The following UNC13B variants were observed in gnomAD, a reference collection of about 807,000 sequenced individuals.
The protein encoded by UNC13B is protein unc-13 homolog B.
A neutral mutation model predicts 211.0 loss-of-function variants in UNC13B; 144 were observed. The observed-to-expected ratio is 0.68, with a 90% CI of 0.60 to 0.78. The LOEUF is 0.78. UNC13B is among the 30% of genes least tolerant of loss of function. The probability of loss-of-function intolerance (pLI) is 0.00; values close to 1 mark genes in which losing one functional copy is unlikely to be tolerated. For synonymous variants in UNC13B, 709 were observed against 725.8 expected, an observed-to-expected ratio of 0.98 and a Z score of 0.37; for missense variants, 1,777 against 2,002.0, an observed-to-expected ratio of 0.89 and a Z score of 2.14.
chr9:35,312,709 T>C (rs1463893978), intron 10 of UNC13B, among the ~76,000 whole-genome samples: 2 of 152,252 alleles, frequency 1.3e-5, no homozygotes, highest in Non-Finnish European at 1.5e-5. Context: ...GTCTGCTGAA[T>C]TGGCTGTAGA....
At chr9:35,391,545 A>C (rs752910043) in intron 26 of UNC13B, among the ~76,000 whole-genome samples, 1 of 152,182 alleles carries the variant, frequency 6.6e-6, no homozygotes, top group Non-Finnish European at 1.5e-5. Context: ...AGAAACCTTG[A>C]AGATCTGTGT....
chr9:35,208,428 G>T (rs527635230), intron 1 of UNC13B, among the ~76,000 whole-genome samples: 3 of 151,988 alleles, frequency 2.0e-5, no homozygotes, highest in Non-Finnish European at 4.4e-5. Context: ...GTCTGTTCTC[G>T]TACTGCTATA....
Position 35,386,308 on chromosome 9 carries a change from A to T in UNC13B, c.11094+15A>T. On this transcript the variant is annotated intron_variant, in intron 24 of 39. Coordinates refer to ENST00000635942, the MANE Select transcript of UNC13B (RefSeq NM_001371189.2). ...AGTACCAGCTGGTAAGAGGTTCAGGATCAGGTGGGGCCAGCTGTCAGTGGC... is the reference window on the plus strand; with the variant it reads ...AGTACCAGCTGGTAAGAGGTTCAGGTTCAGGTGGGGCCAGCTGTCAGTGGC... 6.2e-7 allele frequency: 1 copy of T among 1,613,900 alleles called. No homozygotes were observed. Among genetic ancestry groups the T allele is most frequent in the Non-Finnish European group, 8.5e-7 (1 of 1,179,902 alleles).
intron 26 of UNC13B, among the ~76,000 whole-genome samples, chr9:35,393,574 C>CTTTTTTTTTT (rs749007486): frequency 8.4e-6 from 1 of 118,864 alleles, no homozygotes; most frequent in Admixed American, 8.9e-5. Flanking sequence ...GACTCTCTCT[C>CTTTTTTTTTT]TTTTTTTTTT....
intron 8 of UNC13B, among the ~76,000 whole-genome samples, chr9:35,297,868 G>T (rs1397575697): frequency 6.6e-6 from 1 of 151,650 alleles, no homozygotes; most frequent in Middle Eastern, 3.2e-3. Context: ...TCTTATTATT[G>T]GTGATGTTTA....
chr9:35,340,673 A>T (rs988350098), intron 11 of UNC13B, among the ~76,000 whole-genome samples: 3 of 152,196 alleles, frequency 2.0e-5, no homozygotes, highest in Admixed American at 2.0e-4. Flanking sequence ...TGTTGGCCTA[A>T]GGAGGAAGAG....
At position 35,295,117 on chromosome 9, in the gene UNC13B, A is replaced by G. The variant is rs544717344; in HGVS notation, c.527-579A>G. Among the ~76,000 whole-genome samples the G allele has an allele frequency of 1.6e-4, 24 of 152,266 alleles. No individual in the cohort carries two copies. In the South Asian group the frequency reaches 5.0e-3, roughly 32 times the overall value. On this transcript the variant is annotated intron_variant, in intron 7 of 39. Coordinates refer to ENST00000635942, the MANE Select transcript of UNC13B (RefSeq NM_001371189.2). Reference sequence around the variant, plus strand: ...GCACAGTAAGAGTGCTGCTGTTCTCAGCTGCATCTAGAGCCTTTGACTTGA... The same window carrying G: ...GCACAGTAAGAGTGCTGCTGTTCTCGGCTGCATCTAGAGCCTTTGACTTGA...
intron 1 of UNC13B, among the ~76,000 whole-genome samples, chr9:35,209,875 T>G (rs1214991564): frequency 6.6e-6 from 1 of 152,186 alleles, no homozygotes; most frequent in African/African-American, 2.4e-5. Context: ...TTTTTAGTGT[T>G]ATGTTTCCCT....
chr9:35,165,396 G>A (rs1328924137), intron 1 of UNC13B, among the ~76,000 whole-genome samples: 2 of 151,594 alleles, frequency 1.3e-5, no homozygotes, highest in East Asian at 3.9e-4. Flanking sequence ...CCATTCAGCG[G>A]GTGATTGACT....
At chr9:35,276,543 T>C (rs1339246481) in intron 7 of UNC13B, among the ~76,000 whole-genome samples, 1 of 152,214 alleles carries the variant, frequency 6.6e-6, no homozygotes, top group African/African-American at 2.4e-5. Flanking sequence ...TTCGTTGTGG[T>C]CACTTTTTGT....
At chr9:35,166,621 G>A (rs922711457) in intron 1 of UNC13B, among the ~76,000 whole-genome samples, 6 of 151,826 alleles carry the variant, frequency 4.0e-5, no homozygotes, top group Non-Finnish European at 8.8e-5. Flanking sequence ...GGGACTACAA[G>A]GAACACACCA....
At chr9:35,338,054 A>G (rs1314107220) in intron 11 of UNC13B, among the ~76,000 whole-genome samples, 1 of 152,212 alleles carries the variant, frequency 6.6e-6, no homozygotes, top group Non-Finnish European at 1.5e-5. Flanking sequence ...ATATAAACAA[A>G]TACTACTTTA....
At chr9:35,213,900 C>T (rs948789405) in intron 1 of UNC13B, among the ~76,000 whole-genome samples, 1 of 152,138 alleles carries the variant, frequency 6.6e-6, no homozygotes, top group Non-Finnish European at 1.5e-5. Context: ...GGGCCACACT[C>T]TCACATCAGG....
At chr9:35,402,312 C>T (rs1334476417) in intron 37 of UNC13B, among the ~76,000 whole-genome samples, 5 of 144,680 alleles carry the variant, frequency 3.5e-5, no homozygotes, top group East Asian at 2.0e-4. Context: ...GACGGAGTCT[C>T]GCTCTGTCGC....
chr9:35,377,770 C>A (rs765693049), intron 16 of UNC13B, 75 bp downstream of exon 16: 15 of 1,441,532 alleles, frequency 1.0e-5, no homozygotes, highest in Non-Finnish European at 1.3e-5. Context: ...ACATCCTGAG[C>A]GTGAGGGAGC....
intron 5 of UNC13B, 90 bp from the exon 6 acceptor site, chr9:35,243,201 C>T (rs1252614395): frequency 1.6e-6 from 2 of 1,289,670 alleles, no homozygotes; most frequent in Admixed American, 3.5e-5. Flanking sequence ...CTTCTGACTT[C>T]AGTCATTAGA....
intron 11 of UNC13B, among the ~76,000 whole-genome samples, chr9:35,325,548 G>A (rs748909458): frequency 2.0e-5 from 3 of 151,916 alleles, no homozygotes; most frequent in African/African-American, 7.3e-5. Flanking sequence ...ACAAATTCTT[G>A]TTCCTTTGTT....
chr9:35,376,480 G>A (rs964750204), intron 15 of UNC13B, among the ~76,000 whole-genome samples: 3 of 152,206 alleles, frequency 2.0e-5, no homozygotes, highest in African/African-American at 7.2e-5. Flanking sequence ...TGAGCTTTCT[G>A]TGGTAGTGTA....
chr9:35,396,447 C>A, intron 26 of UNC13B, 29 bp from the exon 27 acceptor site: 1 of 1,613,576 alleles, frequency 6.2e-7, no homozygotes, highest in East Asian at 2.2e-5. Flanking sequence ...ACTGCTGGGA[C>A]CTGACCCAAC....
Sources: gnomAD v4.1 joint callset for allele counts (sites outside exome capture counted in the v4.1 genomes callset) on GRCh38, gnomAD v4.1.1 for gene constraint, MANE v1.5 for transcripts, NCBI Gene and HGNC (gene_info 2026-07-23, HGNC 2026-07-21) for gene names.